RYR2: variants seen among roughly 807,000 people sequenced by gnomAD.
RYR2 encodes ryanodine receptor 2, also known as cardiac muscle ryanodine receptor-calcium release channel.
Under a neutral mutation model 601.1 loss-of-function variants are expected in RYR2, and 227 were observed. That is an observed-to-expected ratio of 0.38 (90% CI 0.34 to 0.42). The LOEUF (loss-of-function observed/expected upper bound fraction) is 0.42, where lower values mean the gene tolerates loss of function less well. RYR2 is among the 10% of genes least tolerant of loss of function. The pLI is 1.00. For synonymous variants in RYR2, 2,223 were observed against 2,175.1 expected, an observed-to-expected ratio of 1.02 and a Z score of -0.61; for missense variants, 4,646 against 6,156.5, an observed-to-expected ratio of 0.75 and a Z score of 8.21.
intron 25 of RYR2, among the ~76,000 whole-genome samples, chr1:237,531,497 T>C (rs1668134542): frequency 6.6e-6 from 1 of 152,222 alleles, no homozygotes; most frequent in Non-Finnish European, 1.5e-5. Flanking sequence ...CCTGTAGATG[T>C]ATTAAATAAT....
Position 237,590,729 on chromosome 1 carries a change from C to G in RYR2, c.3897C>G (p.Ile1299Met), listed in dbSNP as rs747846327. ...SFGSQNSNTD[I>M]MFYRLSMPIE... ...GTTCTCAGAACAGCAACACTGATAT[C>G]ATGTTTTATCGCCTGAGCATGCCGA... is the stretch of plus-strand genomic sequence containing the variant. Residue 1299 changes from isoleucine (I) to methionine (M), a missense_variant, in exon 31 of 105, where the codon ATC becomes ATG. Physicochemically the swap from Ile to Met is conservative, Grantham distance 10. Transcript: ENST00000366574. The G allele has an allele frequency of 2.5e-6, 4 of 1,612,094 alleles. No individual in the cohort carries two copies. The highest frequency in any genetic ancestry group is 3.4e-6 in the Non-Finnish European group (4 of 1,178,586).
intron 1 of RYR2, among the ~76,000 whole-genome samples, chr1:237,052,282 T>G (rs1042752459): frequency 4.6e-5 from 7 of 152,286 alleles, no homozygotes; most frequent in Admixed American, 4.6e-4. Context: ...GATTGTGTCC[T>G]GTGTAAAATT....
At chr1:237,536,005 A>T (rs1287668390) in intron 25 of RYR2, among the ~76,000 whole-genome samples, 1 of 152,188 alleles carries the variant, frequency 6.6e-6, no homozygotes, top group Admixed American at 6.5e-5. Context: ...AAGGTTTAGG[A>T]ATGAGACAAT....
chr1:237,753,148 C>T (rs1692675097), intron 80 of RYR2, among the ~76,000 whole-genome samples: 1 of 152,208 alleles, frequency 6.6e-6, no homozygotes, highest in Non-Finnish European at 1.5e-5. Flanking sequence ...TGTAACCAGG[C>T]TGCCCTGGTT....
chr1:237,098,676 CAGAA>C (rs112019665), intron 1 of RYR2, among the ~76,000 whole-genome samples: 1 of 152,022 alleles, frequency 6.6e-6, no homozygotes, highest in Non-Finnish European at 1.5e-5. Context: ...GAGTCACACA[CAGAA>C]AGACAAATAC....
chr1:237,488,729 C>T (rs1476775166), intron 17 of RYR2, among the ~76,000 whole-genome samples: 3 of 152,102 alleles, frequency 2.0e-5, no homozygotes, highest in Non-Finnish European at 4.4e-5. Flanking sequence ...TCTCCCCCGC[C>T]CTTAAGAATG....
At chr1:237,504,352 T>C (rs542406718) in intron 22 of RYR2, among the ~76,000 whole-genome samples, 66 of 152,118 alleles carry the variant, frequency 4.3e-4, no homozygotes, top group African/African-American at 1.5e-3. Context: ...CGGGCAGGGG[T>C]GGATCTCACA....
chr1:237,743,894 A>G (rs1490904701), intron 80 of RYR2, among the ~76,000 whole-genome samples: 1 of 152,234 alleles, frequency 6.6e-6, no homozygotes, highest in Non-Finnish European at 1.5e-5. Context: ...AAAGGAGTCC[A>G]GCCCTTTGGA....
Position 237,588,347 on chromosome 1 carries a change from T to A in RYR2, c.3599-1446T>A, listed in dbSNP as rs566878486. Among the ~76,000 whole-genome samples, 4 of 152,334 alleles carry A rather than the reference T, an allele frequency of 2.6e-5. No individual in the cohort carries two copies. In the South Asian group the frequency reaches 8.3e-4, roughly 32 times the overall value. On this transcript the variant is annotated intron_variant, in intron 29 of 104. Coordinates refer to ENST00000366574, the MANE Select transcript of RYR2 (RefSeq NM_001035.3). ...GGTTATATATTGCTTTCACTGCCAC[T>A]AATTTCAGTAAGAGAAAAGTGTGTA...
chr1:237,726,760 G>T (rs1156445879), intron 75 of RYR2, among the ~76,000 whole-genome samples: 4 of 152,000 alleles, frequency 2.6e-5, no homozygotes, highest in African/African-American at 7.2e-5. Flanking sequence ...GAGATAAAAT[G>T]ATTTTATATG....
intron 1 of RYR2, among the ~76,000 whole-genome samples, chr1:237,148,583 C>T (rs1201851703): frequency 4.3e-5 from 6 of 138,994 alleles, no homozygotes; most frequent in Admixed American, 1.4e-4. Flanking sequence ...TATATACACA[C>T]ACATATATAT....
chr1:237,070,381 A>T (rs1664176663), intron 1 of RYR2, among the ~76,000 whole-genome samples: 1 of 152,166 alleles, frequency 6.6e-6, no homozygotes, highest in Non-Finnish European at 1.5e-5. Flanking sequence ...TAATTGGACC[A>T]GTTTTATGAT....
chr1:237,803,488 G>A (rs1056949272), intron 98 of RYR2, among the ~76,000 whole-genome samples: 1 of 152,012 alleles, frequency 6.6e-6, no homozygotes, highest in Admixed American at 6.5e-5. Flanking sequence ...TTTTAGTAGA[G>A]ACGGGGTTTC....
In RYR2 at chr1:237,772,002, T is replaced by A. The variant is rs1060500167; in HGVS notation, c.11558-10T>A. On this transcript the variant is annotated splice_polypyrimidine_tract_variant and intron_variant, in intron 85 of 104. Transcript: ENST00000366574. ...AGCAAGCATTAATAACATTTTTTTA[T>A]CTTGCATAGATTTTCAGAATTATCT... The A allele has an allele frequency of 1.6e-5, 23 of 1,461,510 alleles. No individual in the cohort carries two copies. Among genetic ancestry groups the A allele is most frequent in the Non-Finnish European group, 2.1e-5 (22 of 1,065,634 alleles). The allele number at this position is 1,461,510 out of a possible 1,614,324, so 90.5% of individuals were successfully genotyped here.
At chr1:237,744,525 G>A (rs1006126180) in intron 80 of RYR2, among the ~76,000 whole-genome samples, 1 of 151,786 alleles carries the variant, frequency 6.6e-6, no homozygotes, top group East Asian at 2.0e-4. Flanking sequence ...GCGTGGTAGT[G>A]CACGCCTGTA....
rs558914002 is a variant in RYR2 at position 237,397,785 on chromosome 1, C to G, written c.773+9602C>G. Reference sequence around the variant, plus strand: ...CACCCAGGCTGGAGTGCAGTGGCGCCATCTCGGCTCACTGTAAGCTCCGCC... The same window carrying G: ...CACCCAGGCTGGAGTGCAGTGGCGCGATCTCGGCTCACTGTAAGCTCCGCC... On this transcript the variant is annotated intron_variant, in intron 10 of 104. Coordinates refer to ENST00000366574, the MANE Select transcript of RYR2 (RefSeq NM_001035.3). 9.2e-4 allele frequency among the ~76,000 whole-genome samples: 138 copies of G among 150,762 alleles called. 1 individual carries two copies. The highest frequency in any genetic ancestry group is 1.5e-3 in the Admixed American group (23 of 15,172).
intron 25 of RYR2, among the ~76,000 whole-genome samples, chr1:237,539,270 T>C (rs909124822): frequency 1.2e-4 from 19 of 152,238 alleles, no homozygotes; most frequent in African/African-American, 4.6e-4. Context: ...ATGTATTTCC[T>C]GAGTGCCAGG....
chr1:237,491,695 C>T (rs575660031), intron 17 of RYR2, 111 bp from the exon 18 acceptor site: 2 of 625,216 alleles, frequency 3.2e-6, no homozygotes, highest in South Asian at 1.9e-5. Flanking sequence ...ACATTGAGCA[C>T]AGATAATTAC....
At chr1:237,360,981 C>T (rs1699737850) in intron 4 of RYR2, among the ~76,000 whole-genome samples, 1 of 152,142 alleles carries the variant, frequency 6.6e-6, no homozygotes, top group Admixed American at 6.6e-5. Context: ...GCTGGGACTA[C>T]AGGCATGTGC....
Sources: allele counts gnomAD v4.1 joint callset (sites outside exome capture counted in the v4.1 genomes callset), GRCh38; gene constraint gnomAD v4.1.1; transcripts MANE v1.5; gene names NCBI Gene and HGNC (gene_info 2026-07-23, HGNC 2026-07-21).